The following TMTC2 variants were observed in gnomAD, a reference collection of about 807,000 sequenced individuals.
TMTC2 encodes protein O-mannosyl-transferase TMTC2.
Under a neutral mutation model 82.4 loss-of-function variants are expected in TMTC2, and 43 were observed. The observed-to-expected ratio is 0.52, with a 90% CI of 0.41 to 0.67. The LOEUF is 0.67. Among genes scored for constraint, TMTC2 ranks in the 30% least tolerant of loss-of-function variants. The pLI is 0.00. For missense variants in TMTC2, 919 were observed against 1,012.4 expected, an observed-to-expected ratio of 0.91 and a Z score of 1.25; for synonymous variants, 408 against 381.9, an observed-to-expected ratio of 1.07 and a Z score of -0.80.
At chr12:83,126,921 C>G (rs1040460818) in intron 11 of TMTC2, among the ~76,000 whole-genome samples, 3 of 151,914 alleles carry the variant, frequency 2.0e-5, no homozygotes, top group African/African-American at 7.3e-5. Context: ...TGCATAAATG[C>G]CTTTTCATTA....
rs191198010 is a variant in TMTC2 at position 83,006,090 on chromosome 12, C to G, written c.2070+20044C>G. ...TAGGGGTGGTGGCATCTTGTGCAGC[C>G]AGGATCCCAGAAGTCCATGGTAAGT... On this transcript the variant is annotated intron_variant, in intron 8 of 11. Coordinates refer to ENST00000321196, the MANE Select transcript of TMTC2 (RefSeq NM_152588.3). Among the ~76,000 whole-genome samples, 752 of 152,274 alleles carry G rather than the reference C, an allele frequency of 4.9e-3. 3 individuals are homozygous for G. Among genetic ancestry groups the G allele is most frequent in the Non-Finnish European group, 7.4e-3 (504 of 68,038 alleles).
intron 1 of TMTC2, among the ~76,000 whole-genome samples, chr12:82,735,575 G>A (rs1019407755): frequency 6.6e-6 from 1 of 151,842 alleles, no homozygotes; most frequent in Non-Finnish European, 1.5e-5. Flanking sequence ...TCGATCTCCT[G>A]ACCTTGTGAT....
chr12:82,853,339 G>A (rs1334343046), intron 1 of TMTC2, among the ~76,000 whole-genome samples: 1 of 152,184 alleles, frequency 6.6e-6, no homozygotes, highest in East Asian at 1.9e-4. Flanking sequence ...CTGACCACAG[G>A]TGATCCACTT....
At chr12:83,035,885 A>G (rs1881642653) in intron 9 of TMTC2, among the ~76,000 whole-genome samples, 2 of 152,222 alleles carry the variant, frequency 1.3e-5, no homozygotes, top group African/African-American at 4.8e-5. Context: ...CAATTGAAAC[A>G]ATTTAAATCA....
chr12:83,022,247 T>C (rs1880965720), intron 8 of TMTC2, among the ~76,000 whole-genome samples: 1 of 152,122 alleles, frequency 6.6e-6, no homozygotes, highest in South Asian at 2.1e-4. Flanking sequence ...GATGTTTTCC[T>C]TGATAGGCCC....
intron 11 of TMTC2, among the ~76,000 whole-genome samples, chr12:83,063,297 GTT>G (rs66538945): frequency 6.7e-6 from 1 of 149,298 alleles, no homozygotes; most frequent in South Asian, 2.1e-4. Context: ...CTGCAGTTTT[GTT>G]TTTTTTTTCA....
At chr12:82,781,065 A>G (rs1877880074) in intron 1 of TMTC2, among the ~76,000 whole-genome samples, 1 of 152,036 alleles carries the variant, frequency 6.6e-6, no homozygotes, top group South Asian at 2.1e-4. Context: ...TTTACCTTAA[A>G]TGCATTGCTG....
intron 9 of TMTC2, among the ~76,000 whole-genome samples, chr12:83,037,829 T>G (rs181796631): frequency 1.3e-5 from 2 of 152,152 alleles, no homozygotes; most frequent in East Asian, 3.9e-4. Flanking sequence ...AGCACTAATA[T>G]GTTTCTGAAA....
At chr12:82,986,091 T>C in intron 8 of TMTC2, 45 bp downstream of exon 8, 3 of 1,613,292 alleles carry the variant, frequency 1.9e-6, no homozygotes, top group Non-Finnish European at 2.5e-6. Context: ...GTTTTCTCCA[T>C]GCAGACCGGG....
intron 4 of TMTC2, among the ~76,000 whole-genome samples, chr12:82,942,546 AATT>A (rs1308624844): frequency 1.3e-5 from 2 of 152,238 alleles, no homozygotes; most frequent in African/African-American, 2.4e-5. Context: ...AGTAAAAAGT[AATT>A]ATTTGAAACT....
At chr12:82,815,760 A>G (rs576821264) in intron 1 of TMTC2, among the ~76,000 whole-genome samples, 22 of 152,276 alleles carry the variant, frequency 1.4e-4, no homozygotes, top group African/African-American at 5.3e-4. Flanking sequence ...GCAAATCTAA[A>G]GAACTCAATA....
At chr12:83,077,539 T>C (rs921945571) in intron 11 of TMTC2, among the ~76,000 whole-genome samples, 2 of 151,960 alleles carry the variant, frequency 1.3e-5, no homozygotes, top group Admixed American at 6.5e-5. Context: ...TTATGAATTA[T>C]TACCTAATTT....
At chr12:83,062,255 C>T (rs77004525) in intron 11 of TMTC2, among the ~76,000 whole-genome samples, 11,061 of 151,770 alleles carry the variant, frequency 0.073, 477 homozygotes, top group Middle Eastern at 0.1. Flanking sequence ...TTCTATTCCA[C>T]AGCCCTCATT....
chr12:82,820,638 G>A (rs544869659), intron 1 of TMTC2, among the ~76,000 whole-genome samples: 2 of 152,096 alleles, frequency 1.3e-5, no homozygotes, highest in Non-Finnish European at 2.9e-5. Context: ...GCCTCCCAAA[G>A]TGCTGGGATT....
rs372029761 is a variant in TMTC2, at chr12:82,971,825, T to A, written c.1948+4828T>A. Among the ~76,000 whole-genome samples the A allele has an allele frequency of 6.4e-3, 836 of 130,508 alleles. 5 individuals are homozygous for A. Among genetic ancestry groups the A allele is most frequent in the African/African-American group, 0.023 (802 of 35,512 alleles). The allele number at this position is 130,508 out of a possible 152,430, so 85.6% of individuals were successfully genotyped here. A position where few individuals can be genotyped will look rare whatever the true frequency, so the allele number is the denominator to read the frequency against. On this transcript the variant is annotated intron_variant, in intron 7 of 11. Transcript: ENST00000321196. ...CCTCTGTATGCAAAAAAAAAAAAAA[T>A]TAAGTCATAAGTGCTGGGACAGCAC...
chr12:82,770,175 C>G (rs756683108), intron 1 of TMTC2, among the ~76,000 whole-genome samples: 12 of 151,984 alleles, frequency 7.9e-5, no homozygotes, highest in Non-Finnish European at 8.8e-5. Context: ...CTTGAGTTTG[C>G]CTAGGAAACG....
At chr12:83,033,760 T>A (rs950604591) in intron 9 of TMTC2, among the ~76,000 whole-genome samples, 6 of 148,284 alleles carry the variant, frequency 4.0e-5, no homozygotes, top group African/African-American at 1.2e-4. Context: ...TCAAAAAAAA[T>A]AAATAAATAA....
At chr12:83,015,413 C>T (rs183738623) in intron 8 of TMTC2, among the ~76,000 whole-genome samples, 4 of 152,308 alleles carry the variant, frequency 2.6e-5, no homozygotes, top group African/African-American at 9.6e-5. Flanking sequence ...CTTCTTGCAT[C>T]TCAAAGATAA....
chr12:83,093,674 G>A (rs73134101), intron 11 of TMTC2, among the ~76,000 whole-genome samples: 13,546 of 152,120 alleles, frequency 0.089, 813 homozygotes, highest in Non-Finnish European at 0.14. Flanking sequence ...AGTAAATTAA[G>A]GTCTAGGAAA....
Sources: gnomAD v4.1 joint callset for allele counts (sites outside exome capture counted in the v4.1 genomes callset) on GRCh38, gnomAD v4.1.1 for gene constraint, MANE v1.5 for transcripts, NCBI Gene and HGNC (gene_info 2026-07-23, HGNC 2026-07-21) for gene names.